TRPV3: variants seen among roughly 807,000 people sequenced by gnomAD.
TRPV3 encodes transient receptor potential cation channel subfamily V member 3, also known as VRL-3.
Under a neutral mutation model 87.1 loss-of-function variants are expected in TRPV3, and 88 were observed. That is an observed-to-expected ratio of 1.01 (90% CI 0.85 to 1.21). The LOEUF (loss-of-function observed/expected upper bound fraction) is 1.21, where lower values mean the gene tolerates loss of function less well. Ranked by LOEUF, TRPV3 falls within the 50% of genes most tolerant of loss-of-function variation. TRPV3 has a pLI of 0.00. For synonymous variants in TRPV3, 438 were observed against 423.3 expected, an observed-to-expected ratio of 1.03 and a Z score of -0.43; for missense variants, 1,054 against 1,030.1, an observed-to-expected ratio of 1.02 and a Z score of -0.32.
intron 4 of TRPV3, among the ~76,000 whole-genome samples, chr17:3,544,289 G>GCGCC (rs1555545961): frequency 6.8e-6 from 1 of 147,804 alleles, no homozygotes; most frequent in African/African-American, 2.5e-5. Context: ...TGACAGGTAT[G>GCGCC]AGCCCTGCAC....
At chr17:3,546,523 G>A (rs62069873) in intron 2 of TRPV3, 117,016 of 377,234 alleles carry the variant, frequency 0.31, 19,558 homozygotes, top group Non-Finnish European at 0.37. Flanking sequence ...GTCGGGTGAG[G>A]GAGGACAATT....
intron 6 of TRPV3, among the ~76,000 whole-genome samples, chr17:3,536,001 C>G (rs2074406007): frequency 6.6e-6 from 1 of 152,250 alleles, no homozygotes; most frequent in African/African-American, 2.4e-5. Flanking sequence ...CGCAGTGTCA[C>G]TGAGAACGAG....
chr17:3,551,753 G>A (rs1167059495), intron 2 of TRPV3, among the ~76,000 whole-genome samples: 3 of 151,836 alleles, frequency 2.0e-5, no homozygotes, highest in African/African-American at 7.3e-5. Flanking sequence ...TGGTTCAGGA[G>A]CACTCCCAGG....
rs886052854 is a variant in TRPV3, at chr17:3,513,843, C to G, written c.*74G>C. 2.1e-5 allele frequency: 28 copies of G among 1,308,630 alleles called. No homozygotes were observed. Among genetic ancestry groups the G allele is most frequent in the Non-Finnish European group, 2.9e-5 (27 of 917,342 alleles). The allele number at this position is 1,308,630 out of a possible 1,614,324, so 81.1% of individuals were successfully genotyped here. A position where few individuals can be genotyped will look rare whatever the true frequency, so the allele number is the denominator to read the frequency against. On this transcript the variant is annotated 3_prime_UTR_variant, in exon 18 of 18. Coordinates refer to ENST00000576742, the MANE Select transcript of TRPV3 (RefSeq NM_145068.4). ...GCCGGACTCCACCATCCCTCAAAGCCTCTCTGCACAGAGTCGGTGACTCCG... is the reference window on the plus strand; with the variant it reads ...GCCGGACTCCACCATCCCTCAAAGCGTCTCTGCACAGAGTCGGTGACTCCG...
Position 3,513,956 on chromosome 17 carries a change from T to A in TRPV3, c.2334A>T (p.Ala778=), listed in dbSNP as rs759482145. Residue 778 remains alanine (A), a synonymous_variant, in exon 18 of 18, where the codon GCA becomes GCT. Coordinates refer to ENST00000576742, the MANE Select transcript of TRPV3 (RefSeq NM_145068.4). ...CCGGGAATTCCTCGACTTCTTCAAA[T>A]GCATTGAGAGTGGTTTTGCTGTTGT... The part of the protein sequence containing the change: ...SRNNSKTTLN[A]FEEVEEFPET... The A allele has an allele frequency of 1.2e-5, 20 of 1,614,200 alleles. No individual in the cohort carries two copies. In the Admixed American group the frequency reaches 3.2e-4, roughly 26 times the overall value.
In TRPV3 at chr17:3,513,329, A is replaced by C. The variant is rs370728298; in HGVS notation, c.*588T>G. 4 of 152,818 alleles carry C rather than the reference A, an allele frequency of 2.6e-5. No individual in the cohort carries two copies. The highest frequency in any genetic ancestry group is 7.2e-5 in the African/African-American group (3 of 41,442). 9.5% of individuals were successfully genotyped at this position (152,818 alleles called of 1,614,324 possible). On this transcript the variant is annotated 3_prime_UTR_variant, in exon 18 of 18. Transcript: ENST00000576742. ...GGGGTGTCAGGGGACGTTCACTCCAAGGATGGTCTCCTTTTCCCCGAAGGG... is the reference window on the plus strand; with the variant it reads ...GGGGTGTCAGGGGACGTTCACTCCACGGATGGTCTCCTTTTCCCCGAAGGG...
At chr17:3,541,324 C>T (rs1381803920) in intron 6 of TRPV3, among the ~76,000 whole-genome samples, 3 of 152,098 alleles carry the variant, frequency 2.0e-5, no homozygotes, top group South Asian at 2.1e-4. Context: ...GCCAAGATCG[C>T]GCCACTGCAC....
At chr17:3,522,741 C>T (rs532029083) in intron 13 of TRPV3, among the ~76,000 whole-genome samples, 16 of 149,900 alleles carry the variant, frequency 1.1e-4, no homozygotes, top group Non-Finnish European at 1.5e-4. Context: ...TGCTTGAGCC[C>T]GGGAGGCAGA....
rs1394045313 is a variant in TRPV3 at position 3,511,447 on chromosome 17, C to T, written c.*2470G>A. 1 of 152,206 alleles carries T rather than the reference C, an allele frequency of 6.6e-6. No individual in the cohort carries two copies. Among genetic ancestry groups the T allele is most frequent in the Non-Finnish European group, 1.5e-5 (1 of 68,060 alleles). 9.4% of individuals were successfully genotyped at this position (152,206 alleles called of 1,614,324 possible). ...ATATGACCTTCCTGCATGACTTTGC[C>T]CAAGTACACATTCCTCTCGGAGCAT... On this transcript the variant is annotated 3_prime_UTR_variant, in exon 18 of 18. Coordinates refer to ENST00000576742, the MANE Select transcript of TRPV3 (RefSeq NM_145068.4).
In TRPV3 at chr17:3,512,560, T is replaced by A. The variant is rs969192767; in HGVS notation, c.*1357A>T. ...AGATTAACATTTATGGTTACTATTT[T>A]TATAATTCCACCTCGAACATTTTTA... On this transcript the variant is annotated 3_prime_UTR_variant, in exon 18 of 18. Coordinates refer to ENST00000576742, the MANE Select transcript of TRPV3 (RefSeq NM_145068.4). 6.6e-6 allele frequency: 1 copy of A among 152,198 alleles called. No homozygotes were observed. Among genetic ancestry groups the A allele is most frequent in the African/African-American group, 2.4e-5 (1 of 41,440 alleles). 9.4% of individuals were successfully genotyped at this position (152,198 alleles called of 1,614,324 possible).
chr17:3,511,255 T>C lies in TRPV3; in HGVS notation c.*2662A>G, dbSNP rs866676015. The C allele has an allele frequency of 6.6e-6, 1 of 152,222 alleles. No homozygotes were observed. Among genetic ancestry groups the C allele is most frequent in the African/African-American group, 2.4e-5 (1 of 41,450 alleles). 9.4% of individuals were successfully genotyped at this position (152,222 alleles called of 1,614,324 possible). ...GTCATAGGGAACATAGGGGACAATG[T>C]TGACTGCCAAATGAGACACCTGAGA... is the stretch of plus-strand genomic sequence containing the variant. On this transcript the variant is annotated 3_prime_UTR_variant, in exon 18 of 18. Transcript: ENST00000576742.
rs769879053 is a variant in TRPV3, at chr17:3,532,828, G to A, written c.894C>T (p.Asn298=). ...CCACGGTCACCAGGGCGTGAAGGAT[G>A]TTGTTGCCTCGTGAGTCCCGCGAGG... The part of the protein sequence containing the change: ...DITSRDSRGN[N]ILHALVTVAE... Residue 298 remains asparagine (N), a synonymous_variant, in exon 8 of 18, where the codon AAC becomes AAT. Transcript: ENST00000576742. The A allele has an allele frequency of 1.9e-5, 30 of 1,614,152 alleles. 1 individual carries two copies. In the South Asian group the frequency reaches 3.2e-4, roughly 17 times the overall value.
In TRPV3 at chr17:3,551,870, C is replaced by CTTTTTTTTTTTTTTTT; in HGVS notation, c.119+2846_119+2861dup. Among the ~76,000 whole-genome samples the CTTTTTTTTTTTTTTTT allele has an allele frequency of 2.3e-3, 99 of 43,352 alleles. 34 individuals carry two copies. Among genetic ancestry groups the CTTTTTTTTTTTTTTTT allele is most frequent in the South Asian group, 5.5e-3 (4 of 732 alleles). 28.4% of individuals were successfully genotyped at this position (43,352 alleles called of 152,430 possible). ...CCTCTTTCTTCACCTGTAATTTATT[C>CTTTTTTTTTTTTTTTT]TTTTTTTTTTTTTTTTTTTTTTTTT... On this transcript the variant is annotated intron_variant, in intron 2 of 17. Transcript: ENST00000576742.
intron 12 of TRPV3, among the ~76,000 whole-genome samples, chr17:3,524,828 A>C (rs2074281218): frequency 6.6e-6 from 1 of 152,024 alleles, no homozygotes. Flanking sequence ...AAAAAAAAGA[A>C]AAGAAAAATA....
intron 7 of TRPV3, 28 bp downstream of exon 7, chr17:3,535,545 C>A (rs753005797): frequency 1.9e-6 from 3 of 1,556,774 alleles, no homozygotes; most frequent in South Asian, 2.4e-5. Context: ...TCCTCCCAGA[C>A]TCCGCACCGG....
chr17:3,528,727 C>G lies in TRPV3; in HGVS notation c.1401+110G>C. ...CGTGAAGGACAACTGGGGGACCCCG[C>G]CCAATCTCCTGGTCTCTCTGGGCCT... On this transcript the variant is annotated intron_variant, in intron 10 of 17. Transcript: ENST00000576742. The surrounding 1 kb of genome is among the most constrained non-coding windows in gnomAD (Gnocchi z 4.2). 1 of 1,338,120 alleles carries G rather than the reference C, an allele frequency of 7.5e-7. No individual in the cohort carries two copies. The highest frequency in any genetic ancestry group is 2.4e-5 in the East Asian group (1 of 42,202). 82.9% of individuals were successfully genotyped at this position (1,338,120 alleles called of 1,614,324 possible). A position where few individuals can be genotyped will look rare whatever the true frequency, so the allele number is the denominator to read the frequency against.
intron 8 of TRPV3, 141 bp downstream of exon 8, chr17:3,532,516 A>G: frequency 1.8e-6 from 2 of 1,106,686 alleles, no homozygotes; most frequent in African/African-American, 1.6e-5. Flanking sequence ...ACGCCACTGC[A>G]GTTCTGGACC....
chr17:3,538,742 G>A (rs1416110813), intron 6 of TRPV3, among the ~76,000 whole-genome samples: 1 of 151,994 alleles, frequency 6.6e-6, no homozygotes, highest in Non-Finnish European at 1.5e-5. Flanking sequence ...GCCCCACCAC[G>A]CCCTACTAGT....
intron 1 of TRPV3, among the ~76,000 whole-genome samples, chr17:3,555,615 T>C (rs916668712): frequency 4.1e-4 from 63 of 152,056 alleles, no homozygotes; most frequent in African/African-American, 1.5e-3. Flanking sequence ...TGATGCTCAA[T>C]GTGGGCTGGG....
Sources: gnomAD v4.1 joint callset for allele counts (sites outside exome capture counted in the v4.1 genomes callset) on GRCh38, gnomAD v4.1.1 for gene constraint, Gnocchi (gnomAD v3.1) non-coding constraint, MANE v1.5 for transcripts, NCBI Gene and HGNC (gene_info 2026-07-23, HGNC 2026-07-21) for gene names.